Variants in DOC2B observed in about 807,000 individuals in gnomAD.
The protein encoded by DOC2B is double C2 domain beta.
In DOC2B, 21 loss-of-function variants were observed where a neutral mutation model predicts 28.9. That is an observed-to-expected ratio of 0.73 (90% CI 0.52 to 1.05). The LOEUF (loss-of-function observed/expected upper bound fraction) is 1.05. DOC2B is among the 50% of genes least tolerant of loss of function. The pLI is 0.00. For missense variants in DOC2B, 384 were observed against 421.1 expected (o/e 0.91, Z 0.77); for synonymous variants, 194 against 178.1 (o/e 1.09, Z -0.71).
At chr17:162,772 G>A (rs1020921458) in intron 3 of DOC2B, among the ~76,000 whole-genome samples, 2 of 152,246 alleles carry the variant, frequency 1.3e-5, no homozygotes. Flanking sequence ...CCACGGGGTA[G>A]GTTCTGCAGG....
intron 6 of DOC2B, among the ~76,000 whole-genome samples, chr17:153,098 G>C (rs183750541): frequency 4.6e-5 from 7 of 151,736 alleles, no homozygotes; most frequent in Non-Finnish European, 1.5e-5. Flanking sequence ...TGGAGGTCTC[G>C]GGTGAGGCGT....
At chr17:157,992 C>T (rs949960497) in intron 5 of DOC2B, among the ~76,000 whole-genome samples, 1 of 152,224 alleles carries the variant, frequency 6.6e-6, no homozygotes, top group African/African-American at 2.4e-5. Context: ...TGGAGCCTCT[C>T]AGGGTGCTGG....
In DOC2B at chr17:146,510, C is replaced by T. The variant is rs970665794; in HGVS notation, c.*931G>A. 6.6e-6 allele frequency: 1 copy of T among 152,246 alleles called. No individual in the cohort carries two copies. Among genetic ancestry groups the T allele is most frequent in the Non-Finnish European group, 1.5e-5 (1 of 68,104 alleles). The allele number at this position is 152,246 out of a possible 1,614,324, so 9.4% of individuals were successfully genotyped here. A position where few individuals can be genotyped will look rare whatever the true frequency, so the allele number is the denominator to read the frequency against. On this transcript the variant is annotated 3_prime_UTR_variant, in exon 9 of 9. Coordinates refer to ENST00000613549, the MANE Select transcript of DOC2B (RefSeq NM_003585.5). Reference sequence around the variant, plus strand: ...TCCATGGTGTTTCCATCACGTCCCCCACCTCCTGCCTCGAGCCTCACACCT... The same window carrying T: ...TCCATGGTGTTTCCATCACGTCCCCTACCTCCTGCCTCGAGCCTCACACCT...
In DOC2B at chr17:143,330, A is replaced by AAT. The variant is rs1404231300; in HGVS notation, c.*4109_*4110dup. The AAT allele has an allele frequency of 0.1, 10,284 of 101,174 alleles. 825 individuals are homozygous for AAT. The highest frequency in any genetic ancestry group is 0.23 in the African/African-American group (6,476 of 27,748). The allele number at this position is 101,174 out of a possible 1,614,324, so 6.3% of individuals were successfully genotyped here. A position where few individuals can be genotyped will look rare whatever the true frequency, so the allele number is the denominator to read the frequency against. On this transcript the variant is annotated 3_prime_UTR_variant, in exon 9 of 9. Transcript: ENST00000613549. ...TCCACCCTCCCCTCCTACCCTTCCA[A>AAT]ATCTTTTTTTTTTTTTTTTGACAAG...
chr17:166,100 G>A (rs1056348577), intron 2 of DOC2B, among the ~76,000 whole-genome samples: 5 of 152,156 alleles, frequency 3.3e-5, no homozygotes, highest in Admixed American at 3.3e-4. Context: ...TTCAGACCCC[G>A]GGACTGTGAC....
At chr17:176,754 T>C (rs2040374858) in intron 1 of DOC2B, among the ~76,000 whole-genome samples, 1 of 152,198 alleles carries the variant, frequency 6.6e-6, no homozygotes, top group African/African-American at 2.4e-5. Context: ...GCCCTGCCCT[T>C]GGAGCGCTCC....
At chr17:170,489 G>A (rs2040299336) in intron 2 of DOC2B, among the ~76,000 whole-genome samples, 1 of 152,128 alleles carries the variant, frequency 6.6e-6, no homozygotes, top group African/African-American at 2.4e-5. Flanking sequence ...CTGGGAGGAG[G>A]GGCAGGGGGC....
chr17:162,825 G>A (rs1313018241), intron 3 of DOC2B, among the ~76,000 whole-genome samples: 2 of 152,200 alleles, frequency 1.3e-5, no homozygotes, highest in Admixed American at 6.5e-5. Flanking sequence ...GGCATTCCCT[G>A]CCTTTGTGGA....
intron 1 of DOC2B, among the ~76,000 whole-genome samples, chr17:176,785 G>A (rs928453510): frequency 1.3e-5 from 2 of 152,148 alleles, no homozygotes; most frequent in Non-Finnish European, 2.9e-5. Flanking sequence ...CCCCACTGAA[G>A]TTTACATCTT....
In DOC2B at chr17:181,050, G is replaced by A; in HGVS notation, c.373+57C>T. 3 of 1,204,646 alleles carry A rather than the reference G, an allele frequency of 2.5e-6. No homozygotes were observed. The highest frequency in any genetic ancestry group is 3.1e-6 in the Non-Finnish European group (3 of 966,484). The allele number at this position is 1,204,646 out of a possible 1,614,324, so 74.6% of individuals were successfully genotyped here. The stretch of plus-strand genomic sequence containing the variant: ...GGCGGAGGGAAGCCGCGAGGCCGTG[G>A]GGGGGCCGAGCCCGAGCCAGGGGAG... On this transcript the variant is annotated intron_variant, in intron 1 of 8. Coordinates refer to ENST00000613549, the MANE Select transcript of DOC2B (RefSeq NM_003585.5). This position sits in a 1 kb window ranked among gnomAD's most constrained non-coding sequence, Gnocchi z 7.0.
chr17:159,570 A>G (rs8081895), intron 5 of DOC2B, among the ~76,000 whole-genome samples: 122,689 of 152,152 alleles, frequency 0.81, 50,191 homozygotes, highest in Non-Finnish European at 0.87. Context: ...GTTGCAGTGA[A>G]CAGAGATTTT....
intron 1 of DOC2B, among the ~76,000 whole-genome samples, chr17:177,649 C>T (rs2040386030): frequency 6.6e-6 from 1 of 152,248 alleles, no homozygotes; most frequent in Non-Finnish European, 1.5e-5. Context: ...TTTTGATGAA[C>T]ACCCTCAGGT....
rs996727740 is a variant in DOC2B at position 155,443 on chromosome 17, C to T, written c.923+777G>A. 2.6e-5 allele frequency among the ~76,000 whole-genome samples: 4 copies of T among 152,208 alleles called. No individual in the cohort carries two copies. The South Asian group carries it at 8.3e-4, about 32-fold the overall frequency. Reference sequence around the variant, plus strand: ...TCCTTGGTGTCCCCTAGGTCAGGGCCATCCCTCTGTCATTCCCCCTCCCTG... The same window carrying T: ...TCCTTGGTGTCCCCTAGGTCAGGGCTATCCCTCTGTCATTCCCCCTCCCTG... On this transcript the variant is annotated intron_variant, in intron 6 of 8. Transcript: ENST00000613549.
intron 1 of DOC2B, among the ~76,000 whole-genome samples, chr17:176,344 G>A (rs773593409): frequency 1.2e-4 from 18 of 150,308 alleles, no homozygotes; most frequent in South Asian, 2.1e-4. Flanking sequence ...CACCATGCCC[G>A]GCTAACTTAA....
In DOC2B at chr17:170,846, G is replaced by GGA. The variant is rs1555524223; in HGVS notation, c.453+1690_453+1691insTC. On this transcript the variant is annotated intron_variant, in intron 2 of 8. Transcript: ENST00000613549. The stretch of plus-strand genomic sequence containing the variant: ...CAGGGGCCGGGCCAGGCTGCAGAGG[G>GGA]CAGCACCAGGGGCCGGGCCAGGCTG... 3.1e-3 allele frequency among the ~76,000 whole-genome samples: 284 copies of GGA among 91,254 alleles called. 2 individuals carry two copies. Among genetic ancestry groups the GGA allele is most frequent in the Non-Finnish European group, 4.7e-3 (195 of 41,408 alleles). 59.9% of individuals were successfully genotyped at this position (91,254 alleles called of 152,430 possible). A position where few individuals can be genotyped will look rare whatever the true frequency, so the allele number is the denominator to read the frequency against.
At chr17:151,620 C>G (rs1027045643) in intron 6 of DOC2B, among the ~76,000 whole-genome samples, 3 of 152,190 alleles carry the variant, frequency 2.0e-5, no homozygotes, top group Admixed American at 1.3e-4. Context: ...TCCTTAGTTA[C>G]TTACTATGCT....
rs1055969214 is a variant in DOC2B, at chr17:181,094, G to T, written c.373+13C>A. 9 of 1,240,246 alleles carry T rather than the reference G, an allele frequency of 7.3e-6. No individual in the cohort carries two copies. The African/African-American group carries it at 1.4e-4, about 19-fold the overall frequency. The allele number at this position is 1,240,246 out of a possible 1,614,324, so 76.8% of individuals were successfully genotyped here. A position where few individuals can be genotyped will look rare whatever the true frequency, so the allele number is the denominator to read the frequency against. ...AGGGGAGGGGGCGCGAAGTCGGCGC[G>T]TGGGAAACTTACTGCAGTCGTCCGA... On this transcript the variant is annotated intron_variant, in intron 1 of 8. Coordinates refer to ENST00000613549, the MANE Select transcript of DOC2B (RefSeq NM_003585.5). The surrounding 1 kb of genome is among the most constrained non-coding windows in gnomAD (Gnocchi z 7.0).
intron 6 of DOC2B, chr17:155,876 G>C (rs2040128333): frequency 6.5e-6 from 2 of 306,484 alleles, no homozygotes; most frequent in Non-Finnish European, 1.2e-5. Flanking sequence ...CAGCCTCCTG[G>C]CTACCCCCGG....
At chr17:148,406 CAT>C (rs2040037722) in intron 7 of DOC2B, 137 bp from the exon 8 acceptor site, 3 of 396,840 alleles carry the variant, frequency 7.6e-6, no homozygotes, top group Non-Finnish European at 1.3e-5. Context: ...TGGATGCTCA[CAT>C]GTCTCGCCCA....
Sources: allele counts gnomAD v4.1 joint callset (sites outside exome capture counted in the v4.1 genomes callset), GRCh38; gene constraint gnomAD v4.1.1; non-coding constraint Gnocchi (gnomAD v3.1); transcripts MANE v1.5; gene names NCBI Gene and HGNC (gene_info 2026-07-23, HGNC 2026-07-21).